The following GLIS3 variants were observed in gnomAD, a reference collection of about 807,000 sequenced individuals.
GLIS3 encodes zinc finger protein GLIS3.
A neutral mutation model predicts 78.6 loss-of-function variants in GLIS3; 53 were observed. That is an observed-to-expected ratio of 0.67 (90% confidence interval 0.54 to 0.85). GLIS3 has a LOEUF of 0.85. GLIS3 is among the 40% of genes least tolerant of loss of function. The pLI, the probability that GLIS3 is intolerant of heterozygous loss-of-function variation, is 0.00. For synonymous variants in GLIS3, 684 were observed against 509.9 expected (o/e 1.34, Z -4.60); for missense variants, 1,703 against 1,231.1 (o/e 1.38, Z -5.74).
chr9:4,219,882 G>C (rs1324570995), intron 2 of GLIS3, among the ~76,000 whole-genome samples: 1 of 152,028 alleles, frequency 6.6e-6, no homozygotes, highest in Non-Finnish European at 1.5e-5. Flanking sequence ...CACCTTAGTA[G>C]CAATAAGCAC....
intron 2 of GLIS3, among the ~76,000 whole-genome samples, chr9:4,322,360 G>A (rs928333523): frequency 2.6e-5 from 4 of 152,140 alleles, no homozygotes; most frequent in African/African-American, 9.7e-5. Flanking sequence ...TGTCTTTATA[G>A]GAACATGATT....
At chr9:4,259,001 A>G (rs541936984) in intron 2 of GLIS3, among the ~76,000 whole-genome samples, 1 of 152,258 alleles carries the variant, frequency 6.6e-6, no homozygotes, top group South Asian at 2.1e-4. Context: ...TTTACTCCAG[A>G]AACGCCAATG....
the GLIS3 span, among the ~76,000 whole-genome samples, chr9:4,385,558 G>A: frequency 6.6e-6 from 1 of 151,414 alleles, no homozygotes; most frequent in Non-Finnish European, 1.5e-5. Context: ...CCAGCTACTC[G>A]GGAGGCCGAG....
chr9:4,121,506 A>G (rs1832179582), intron 3 of GLIS3, among the ~76,000 whole-genome samples: 1 of 152,146 alleles, frequency 6.6e-6, no homozygotes, highest in Non-Finnish European at 1.5e-5. Flanking sequence ...CTCACAAAGC[A>G]TTTTCCCTAT....
the GLIS3 span, among the ~76,000 whole-genome samples, chr9:4,415,956 T>C: frequency 2.0e-5 from 3 of 151,700 alleles, no homozygotes; most frequent in South Asian, 2.1e-4. Context: ...TCTTTGAATA[T>C]ATACTGCCAT....
In GLIS3 at chr9:4,130,079, T is replaced by C. The variant is rs117137504; in HGVS notation, c.389-4138A>G. Among the ~76,000 whole-genome samples, 1,040 of 152,288 alleles carry C rather than the reference T, an allele frequency of 6.8e-3. 3 individuals carry two copies. The highest frequency in any genetic ancestry group is 0.01 in the Non-Finnish European group (695 of 68,020). On this transcript the variant is annotated intron_variant, in intron 2 of 10. Transcript: ENST00000381971. ...TGTGGAACTTTGAATTTGAAAGTGA[T>C]TTAGTGTATCTGGAGGAAGAAATTT...
At chr9:4,049,777 A>G (rs1825567322) in intron 4 of GLIS3, among the ~76,000 whole-genome samples, 1 of 152,228 alleles carries the variant, frequency 6.6e-6, no homozygotes, top group South Asian at 2.1e-4. Flanking sequence ...CCCATCAAAA[A>G]GTGGGCAAAG....
chr9:3,873,777 A>T (rs370128726), intron 8 of GLIS3, among the ~76,000 whole-genome samples: 1 of 152,234 alleles, frequency 6.6e-6, no homozygotes, highest in Non-Finnish European at 1.5e-5. Flanking sequence ...TAGCAATGCT[A>T]TATCTGAAAT....
chr9:4,289,661 C>T (rs1261581841), intron 1 of GLIS3, among the ~76,000 whole-genome samples: 1 of 152,028 alleles, frequency 6.6e-6, no homozygotes, highest in Non-Finnish European at 1.5e-5. Flanking sequence ...CTACCAGTAA[C>T]AAAAACAAAA....
At chr9:4,185,018 A>C (rs1817656173) in intron 2 of GLIS3, among the ~76,000 whole-genome samples, 1 of 152,242 alleles carries the variant, frequency 6.6e-6, no homozygotes, top group Admixed American at 6.5e-5. Context: ...TAGTAAACTT[A>C]TCAAGTTGTA....
chr9:4,380,096 C>T, the GLIS3 span, among the ~76,000 whole-genome samples: 6 of 152,076 alleles, frequency 3.9e-5, no homozygotes, highest in East Asian at 9.7e-4. Flanking sequence ...TCTATTCCAC[C>T]GGAGCATTGT....
At chr9:3,835,158 C>T (rs561961070) in intron 9 of GLIS3, among the ~76,000 whole-genome samples, 1 of 152,244 alleles carries the variant, frequency 6.6e-6, no homozygotes, top group East Asian at 1.9e-4. Context: ...AAACAAAATG[C>T]TTGTTTTCCT....
chr9:4,036,080 A>T (rs1824271604), intron 4 of GLIS3: 1 of 152,210 alleles, frequency 6.6e-6, no homozygotes, highest in African/African-American at 2.4e-5. Flanking sequence ...ATTCAAGGTC[A>T]TCTTTAAGAC....
chr9:4,445,721 A>G, the GLIS3 span, among the ~76,000 whole-genome samples: 1 of 152,226 alleles, frequency 6.6e-6, no homozygotes, highest in Non-Finnish European at 1.5e-5. Context: ...CGACCTACTC[A>G]TGGACACAGC....
chr9:3,954,524 C>T (rs546503036), intron 4 of GLIS3, among the ~76,000 whole-genome samples: 1 of 152,342 alleles, frequency 6.6e-6, no homozygotes, highest in East Asian at 1.9e-4. Context: ...GGATTTTAGT[C>T]AGTGGGAGTC....
chr9:4,137,513 T>A (rs1357941434), intron 2 of GLIS3, among the ~76,000 whole-genome samples: 1 of 152,250 alleles, frequency 6.6e-6, no homozygotes, highest in Admixed American at 6.5e-5. Flanking sequence ...TATTCCTTTC[T>A]GTACCACTCA....
intron 2 of GLIS3, among the ~76,000 whole-genome samples, chr9:4,250,964 G>A (rs1339045064): frequency 1.5e-4 from 4 of 27,278 alleles, no homozygotes; most frequent in Admixed American, 5.8e-4. Flanking sequence ...TGATTGCACT[G>A]TGGTCTGGGA....
At chr9:3,846,612 T>G (rs1819060538) in intron 9 of GLIS3, among the ~76,000 whole-genome samples, 1 of 152,210 alleles carries the variant, frequency 6.6e-6, no homozygotes, top group African/African-American at 2.4e-5. Context: ...AACTGCCATC[T>G]TCTTGCCTCC....
At chr9:4,316,853 A>G (rs914833879) in intron 2 of GLIS3, among the ~76,000 whole-genome samples, 29 of 137,732 alleles carry the variant, frequency 2.1e-4, no homozygotes, top group African/African-American at 8.5e-4. Flanking sequence ...TAATATGAGA[A>G]GTGTTGGTGA....
Sources: allele counts gnomAD v4.1 joint callset (sites outside exome capture counted in the v4.1 genomes callset), GRCh38; gene constraint gnomAD v4.1.1; transcripts MANE v1.5; gene names NCBI Gene and HGNC (gene_info 2026-07-23, HGNC 2026-07-21).